Variants in ITCH observed in about 807,000 individuals in gnomAD.
ITCH encodes the protein itchy E3 ubiquitin protein ligase, also known as E3 ubiquitin-protein ligase Itchy homolog.
In ITCH, 28 loss-of-function variants were observed where a neutral mutation model predicts 126.8. The ratio of observed to expected loss-of-function variants is 0.22; its 90% CI spans 0.16 to 0.30. The LOEUF (loss-of-function observed/expected upper bound fraction) is 0.30. Among genes scored for constraint, ITCH ranks in the 10% least tolerant of loss-of-function variants. ITCH has a pLI of 1.00. For missense variants in ITCH, 631 were observed against 1,032.4 expected, an observed-to-expected ratio of 0.61 and a Z score of 5.33; for synonymous variants, 342 against 340.0, an observed-to-expected ratio of 1.01 and a Z score of -0.06.
intron 6 of ITCH, among the ~76,000 whole-genome samples, chr20:34,414,944 G>A (rs1331305446): frequency 6.6e-6 from 1 of 152,198 alleles, no homozygotes; most frequent in Non-Finnish European, 1.5e-5. Context: ...ACTAGTGTGT[G>A]TTAAAGGAAA....
chr20:34,369,264 C>T (rs1360170962), intron 1 of ITCH, 130 bp from the exon 2 acceptor site: 5 of 374,056 alleles, frequency 1.3e-5, no homozygotes, highest in Non-Finnish European at 2.4e-5. Flanking sequence ...ACCCAGGAGG[C>T]GAAGGTTGGA....
intron 23 of ITCH, among the ~76,000 whole-genome samples, chr20:34,499,483 T>C (rs1990113711): frequency 6.6e-6 from 1 of 151,646 alleles, no homozygotes; most frequent in South Asian, 2.1e-4. Context: ...TAAGTTGGTG[T>C]GTAGTTCATA....
chr20:34,379,873 A>G (rs1208973068), intron 2 of ITCH, among the ~76,000 whole-genome samples: 3 of 148,288 alleles, frequency 2.0e-5, no homozygotes, highest in African/African-American at 7.5e-5. Flanking sequence ...CTGGGATTAC[A>G]GGCGTGAACC....
intron 7 of ITCH, among the ~76,000 whole-genome samples, chr20:34,433,488 G>C (rs1256635361): frequency 6.6e-6 from 1 of 152,074 alleles, no homozygotes; most frequent in African/African-American, 2.4e-5. Context: ...GACCACCCTG[G>C]TCACCATGGA....
intron 3 of ITCH, among the ~76,000 whole-genome samples, chr20:34,398,677 C>T (rs187374039): frequency 8.1e-4 from 124 of 152,170 alleles, no homozygotes; most frequent in African/African-American, 2.9e-3. Context: ...GGGATTACAG[C>T]GTGAGCCACC....
chr20:34,397,132 T>C (rs1474167732), intron 3 of ITCH, among the ~76,000 whole-genome samples: 2 of 152,070 alleles, frequency 1.3e-5, no homozygotes, highest in African/African-American at 4.8e-5. Context: ...CAAGCAGTTC[T>C]CTGCCTCAGC....
At chr20:34,399,338 G>A (rs2146099267) in intron 3 of ITCH, among the ~76,000 whole-genome samples, 1 of 152,002 alleles carries the variant, frequency 6.6e-6, no homozygotes, top group Admixed American at 6.6e-5. Context: ...ATGGCGGTGA[G>A]CTGAGATCGT....
intron 14 of ITCH, among the ~76,000 whole-genome samples, chr20:34,463,516 C>T (rs1019656585): frequency 2.6e-5 from 4 of 152,044 alleles, no homozygotes; most frequent in African/African-American, 7.2e-5. Flanking sequence ...TTTGAAGAAC[C>T]ACCATACTGT....
chr20:34,430,224 T>C (rs1309183650), intron 7 of ITCH, among the ~76,000 whole-genome samples: 1 of 152,198 alleles, frequency 6.6e-6, no homozygotes, highest in African/African-American at 2.4e-5. Context: ...GAAAGGAACT[T>C]GCTTGAGTTA....
chr20:34,431,076 C>T (rs972923488), intron 7 of ITCH, among the ~76,000 whole-genome samples: 2 of 151,914 alleles, frequency 1.3e-5, no homozygotes, highest in Non-Finnish European at 2.9e-5. Context: ...AGAACCAAAA[C>T]CTAAGAAGGA....
At chr20:34,444,632 G>A (rs1420674378) in intron 10 of ITCH, among the ~76,000 whole-genome samples, 1 of 151,904 alleles carries the variant, frequency 6.6e-6, no homozygotes, top group African/African-American at 2.4e-5. Flanking sequence ...GCGAAAAATT[G>A]TGTGTGTGTG....
intron 20 of ITCH, among the ~76,000 whole-genome samples, chr20:34,483,196 T>G (rs1988879626): frequency 6.6e-6 from 1 of 152,210 alleles, no homozygotes; most frequent in Admixed American, 6.5e-5. Flanking sequence ...TGACGTGCCC[T>G]GTAGACATTT....
chr20:34,384,951 C>T (rs148591293), intron 2 of ITCH, among the ~76,000 whole-genome samples: 4 of 151,974 alleles, frequency 2.6e-5, no homozygotes, highest in South Asian at 2.1e-4. Flanking sequence ...CGTGAGCCAC[C>T]GCACCTGGCT....
intron 12 of ITCH, among the ~76,000 whole-genome samples, chr20:34,453,041 A>G (rs540529526): frequency 6.6e-6 from 1 of 152,342 alleles, no homozygotes; most frequent in Admixed American, 6.5e-5. Flanking sequence ...TTATTCATCA[A>G]GTCAGGAAGT....
chr20:34,367,678 C>T (rs1479340803), intron 1 of ITCH, among the ~76,000 whole-genome samples: 1 of 152,128 alleles, frequency 6.6e-6, no homozygotes, highest in Non-Finnish European at 1.5e-5. Context: ...ATATGCTATT[C>T]TTAGATAAGT....
chr20:34,422,111 T>C (rs182487116), intron 6 of ITCH, among the ~76,000 whole-genome samples: 3 of 152,324 alleles, frequency 2.0e-5, no homozygotes, highest in Admixed American at 2.0e-4. Context: ...ATGGACTGCT[T>C]ATATGTGCTA....
At chr20:34,428,590 T>C (rs1981865233) in intron 7 of ITCH, among the ~76,000 whole-genome samples, 1 of 152,204 alleles carries the variant, frequency 6.6e-6, no homozygotes, top group South Asian at 2.1e-4. Flanking sequence ...TTAAGTTTAT[T>C]ATTATATTTT....
At chr20:34,407,654 T>C (rs1978333635) in intron 3 of ITCH, among the ~76,000 whole-genome samples, 1 of 152,274 alleles carries the variant, frequency 6.6e-6, no homozygotes, top group Non-Finnish European at 1.5e-5. Flanking sequence ...TGCTATACTT[T>C]CCCTCAGATA....
intron 2 of ITCH, among the ~76,000 whole-genome samples, chr20:34,374,956 G>C (rs2037777918): frequency 6.6e-6 from 1 of 150,900 alleles, no homozygotes; most frequent in African/African-American, 2.4e-5. Context: ...GGCCAGGCTG[G>C]TGTTGAACTC....
Sources: gnomAD v4.1 joint callset for allele counts (sites outside exome capture counted in the v4.1 genomes callset) on GRCh38, gnomAD v4.1.1 for gene constraint, MANE v1.5 for transcripts, NCBI Gene and HGNC (gene_info 2026-07-23, HGNC 2026-07-21) for gene names.